ACO1: variants seen among roughly 807,000 people sequenced by gnomAD.
ACO1 encodes the protein cytoplasmic aconitate hydratase.
In ACO1, 78 loss-of-function variants were observed where a neutral mutation model predicts 105.1. The ratio of observed to expected loss-of-function variants is 0.74; its 90% CI spans 0.62 to 0.90. The LOEUF (loss-of-function observed/expected upper bound fraction) is 0.90. ACO1 is among the 40% of genes least tolerant of loss of function. The pLI is 0.00. For missense variants in ACO1, 965 were observed against 1,111.1 expected (o/e 0.87, Z 1.87); for synonymous variants, 364 against 397.4 (o/e 0.92, Z 1.00).
intron 8 of ACO1, among the ~76,000 whole-genome samples, chr9:32,422,277 G>C (rs1423252900): frequency 6.6e-6 from 1 of 152,188 alleles, no homozygotes; most frequent in Non-Finnish European, 1.5e-5. Flanking sequence ...CTTCAGAATA[G>C]TGTAGCCCTT....
intron 7 of ACO1, 132 bp downstream of exon 7, chr9:32,419,309 T>A: frequency 1.0e-6 from 1 of 997,542 alleles, no homozygotes; most frequent in Non-Finnish European, 1.4e-6. Context: ...TTGATGATTT[T>A]AAAAGGAGAT....
intron 1 of ACO1, among the ~76,000 whole-genome samples, chr9:32,405,248 A>G (rs1821584439): frequency 6.6e-6 from 1 of 152,214 alleles, no homozygotes; most frequent in African/African-American, 2.4e-5. Context: ...CTGCTTCTCA[A>G]TCAACTGCTT....
At chr9:32,440,645 A>C in intron 19 of ACO1, 58 bp downstream of exon 19, 1 of 1,582,486 alleles carries the variant, frequency 6.3e-7, no homozygotes. Context: ...GAGGGTCCCC[A>C]GGCACAAATC....
intron 11 of ACO1, among the ~76,000 whole-genome samples, chr9:32,426,389 C>T (rs1822098652): frequency 6.6e-6 from 1 of 152,152 alleles, no homozygotes; most frequent in Admixed American, 6.5e-5. Flanking sequence ...AGGTGTTTCT[C>T]AGTGAGGGCA....
At chr9:32,391,267 AG>A (rs1210153786) in intron 1 of ACO1, among the ~76,000 whole-genome samples, 2 of 152,232 alleles carry the variant, frequency 1.3e-5, no homozygotes, top group East Asian at 3.8e-4. Flanking sequence ...TCTTGTCCTC[AG>A]CAGCAAGTGG....
rs774249121 is a variant in ACO1 at position 32,431,849 on chromosome 9, G to T, written c.1851+6G>T. 1 of 1,613,720 alleles carries T rather than the reference G, an allele frequency of 6.2e-7. No homozygotes were observed. The highest frequency in any genetic ancestry group is 8.5e-7 in the Non-Finnish European group (1 of 1,179,874). Reference sequence around the variant, plus strand: ...AAGTCTATCAGAAAATAGAGGTGAGGTCCCACACTGCCCTCCCCGCCCCAG... The same window carrying T: ...AAGTCTATCAGAAAATAGAGGTGAGTTCCCACACTGCCCTCCCCGCCCCAG... On this transcript the variant is annotated splice_donor_region_variant and intron_variant, in intron 15 of 20. Coordinates refer to ENST00000309951, the MANE Select transcript of ACO1 (RefSeq NM_002197.3).
At chr9:32,426,379 A>G (rs1366063688) in intron 11 of ACO1, among the ~76,000 whole-genome samples, 1 of 152,174 alleles carries the variant, frequency 6.6e-6, no homozygotes, top group Non-Finnish European at 1.5e-5. Flanking sequence ...GAATGCTGGG[A>G]GGTGTTTCTC....
At chr9:32,396,818 C>A (rs943229497) in intron 1 of ACO1, among the ~76,000 whole-genome samples, 4 of 152,134 alleles carry the variant, frequency 2.6e-5, no homozygotes, top group African/African-American at 9.7e-5. Context: ...CAGTTCCTGG[C>A]ATGTAATAGA....
At chr9:32,387,972 G>A (rs1821189146) in intron 1 of ACO1, among the ~76,000 whole-genome samples, 1 of 152,212 alleles carries the variant, frequency 6.6e-6, no homozygotes, top group Non-Finnish European at 1.5e-5. Flanking sequence ...GACGTAGCGG[G>A]CAGTAGTAAC....
intron 4 of ACO1, among the ~76,000 whole-genome samples, chr9:32,413,482 CAAA>C (rs35294620): frequency 0.31 from 40,500 of 132,668 alleles, 5,945 homozygotes; most frequent in South Asian, 0.48. Context: ...GACTCTATCT[CAAA>C]AAAAAAAAAA....
intron 1 of ACO1, among the ~76,000 whole-genome samples, chr9:32,393,801 C>G (rs1315005358): frequency 6.6e-6 from 1 of 152,172 alleles, no homozygotes; most frequent in African/African-American, 2.4e-5. Context: ...GGGTGAATTT[C>G]ACCCAATACA....
intron 1 of ACO1, among the ~76,000 whole-genome samples, chr9:32,400,326 G>T (rs1290038664): frequency 6.8e-6 from 1 of 147,546 alleles, no homozygotes; most frequent in East Asian, 2.2e-4. Flanking sequence ...AGAAGATGTG[G>T]TTCAGTAACA....
chr9:32,392,240 A>G (rs1281793824), intron 1 of ACO1, among the ~76,000 whole-genome samples: 1 of 152,118 alleles, frequency 6.6e-6, no homozygotes, highest in Non-Finnish European at 1.5e-5. Flanking sequence ...ATGGTGCAAG[A>G]GAGTTGGTTC....
At chr9:32,423,195 G>GGT (rs958451170) in intron 8 of ACO1, 124 bp from the exon 9 acceptor site, 3 of 545,488 alleles carry the variant, frequency 5.5e-6, no homozygotes, top group Non-Finnish European at 6.4e-6. Flanking sequence ...CAGAGCTGTT[G>GGT]GTGTGTGTGT....
At chr9:32,421,844 C>A (rs1171443734) in intron 8 of ACO1, among the ~76,000 whole-genome samples, 5 of 152,200 alleles carry the variant, frequency 3.3e-5, no homozygotes, top group African/African-American at 7.2e-5. Context: ...TTGCACAGAT[C>A]TCTGGATGAA....
chr9:32,409,012 C>T (rs1158683526), intron 4 of ACO1, among the ~76,000 whole-genome samples: 3 of 152,104 alleles, frequency 2.0e-5, no homozygotes. Context: ...AAGCTTACTC[C>T]TTTTTTTGAT....
intron 17 of ACO1, 156 bp from the exon 18 acceptor site, chr9:32,436,093 GA>G: frequency 1.0e-6 from 1 of 964,022 alleles, no homozygotes; most frequent in Non-Finnish European, 1.6e-6. Flanking sequence ...AAGCTTTGGG[GA>G]CAGCTTTTCT....
chr9:32,444,379 A>G (rs1440856551), intron 19 of ACO1, among the ~76,000 whole-genome samples: 1 of 152,174 alleles, frequency 6.6e-6, no homozygotes, highest in African/African-American at 2.4e-5. Context: ...TTCTGGTTCT[A>G]CATCCTTAAG....
At position 32,449,979 on chromosome 9, in the gene ACO1, C is replaced by A; in HGVS notation, c.2557-19C>A. 6.2e-7 allele frequency: 1 copy of A among 1,604,544 alleles called. No individual in the cohort carries two copies. Among genetic ancestry groups the A allele is most frequent in the South Asian group, 1.1e-5 (1 of 90,848 alleles). Reference sequence around the variant, plus strand: ...CTCGCCACCTCCCTCAATGATGCTTCTGTTTCTTTGTGCCACAGCTGGATA... The same window carrying A: ...CTCGCCACCTCCCTCAATGATGCTTATGTTTCTTTGTGCCACAGCTGGATA... On this transcript the variant is annotated intron_variant, in intron 20 of 20. Transcript: ENST00000309951.
Sources: gnomAD v4.1 joint callset for allele counts (sites outside exome capture counted in the v4.1 genomes callset) on GRCh38, gnomAD v4.1.1 for gene constraint, MANE v1.5 for transcripts, NCBI Gene and HGNC (gene_info 2026-07-23, HGNC 2026-07-21) for gene names.